Variants in ATL1 observed in about 807,000 individuals in gnomAD.
The protein encoded by ATL1 is atlastin-1.
Under a neutral mutation model 75.5 loss-of-function variants are expected in ATL1, and 31 were observed. The ratio of observed to expected loss-of-function variants is 0.41; its 90% CI spans 0.31 to 0.55. The LOEUF (loss-of-function observed/expected upper bound fraction) is 0.55. ATL1 is among the 20% of genes least tolerant of loss of function. The probability of loss-of-function intolerance (pLI) is 0.27; values close to 1 mark genes in which losing one functional copy is unlikely to be tolerated. For synonymous variants in ATL1, 226 were observed against 233.3 expected (o/e 0.97, Z 0.28); for missense variants, 405 against 662.6 (o/e 0.61, Z 4.27).
At chr14:50,626,457 G>C (rs1207427995) in intron 11 of ATL1, among the ~76,000 whole-genome samples, 1 of 152,190 alleles carries the variant, frequency 6.6e-6, no homozygotes, top group African/African-American at 2.4e-5. Flanking sequence ...AACAGCAAGA[G>C]AACTTAAAAG....
intron 4 of ATL1, among the ~76,000 whole-genome samples, chr14:50,592,029 A>T (rs1314396644): frequency 6.6e-6 from 1 of 152,240 alleles, no homozygotes; most frequent in Admixed American, 6.5e-5. Context: ...GCCAGTAGAA[A>T]CATTTCTAAA....
chr14:50,579,916 A>G (rs979358606), intron 1 of ATL1, among the ~76,000 whole-genome samples: 4 of 152,220 alleles, frequency 2.6e-5, no homozygotes, highest in African/African-American at 9.6e-5. Flanking sequence ...ATTTGCCAAC[A>G]CATCACTTAG....
chr14:50,567,222 T>A (rs2038912552), intron 1 of ATL1, among the ~76,000 whole-genome samples: 2 of 146,682 alleles, frequency 1.4e-5, no homozygotes, highest in South Asian at 2.1e-4. Flanking sequence ...GAATGATACA[T>A]TTTTTTTTTT....
intron 1 of ATL1, among the ~76,000 whole-genome samples, chr14:50,582,784 TAAGAA>T (rs1268378694): frequency 6.6e-6 from 1 of 151,886 alleles, no homozygotes; most frequent in African/African-American, 2.4e-5. Context: ...AAGGACAAAA[TAAGAA>T]AGGAAAGTCA....
intron 1 of ATL1, among the ~76,000 whole-genome samples, chr14:50,583,703 A>G (rs542841796): frequency 6.6e-6 from 1 of 152,362 alleles, no homozygotes; most frequent in African/African-American, 2.4e-5. Flanking sequence ...TTTAATATTT[A>G]TATGGAAAGG....
chr14:50,540,439 G>T (rs541592177), intron 1 of ATL1, among the ~76,000 whole-genome samples: 6 of 152,204 alleles, frequency 3.9e-5, no homozygotes, highest in African/African-American at 1.2e-4. Flanking sequence ...TAAGGGTGAG[G>T]GCGGATGTCT....
intron 1 of ATL1, among the ~76,000 whole-genome samples, chr14:50,536,011 A>T (rs1409911526): frequency 3.3e-5 from 5 of 152,256 alleles, no homozygotes; most frequent in Admixed American, 3.3e-4. Context: ...CGTGTGAGAC[A>T]TGACTTGCTC....
chr14:50,632,340 T>C lies in ATL1; in HGVS notation c.*1T>C. Reference sequence around the variant, plus strand: ...ACAATCAGAAAAGAAAAAAATGTAATGCAAATTTTAAGAAATACAGGTGCA... The same window carrying C: ...ACAATCAGAAAAGAAAAAAATGTAACGCAAATTTTAAGAAATACAGGTGCA... On this transcript the variant is annotated 3_prime_UTR_variant, in exon 14 of 14. Transcript: ENST00000358385. 3 of 1,594,414 alleles carry C rather than the reference T, an allele frequency of 1.9e-6. No homozygotes were observed. The highest frequency in any genetic ancestry group is 2.2e-5 in the East Asian group (1 of 44,652).
rs2038655429 is a variant in ATL1, at chr14:50,548,013, C to T, written c.-139-12114C>T. Among the ~76,000 whole-genome samples, 5 of 152,142 alleles carry T rather than the reference C, an allele frequency of 3.3e-5. No homozygotes were observed. In the South Asian group the frequency reaches 1.0e-3, roughly 32 times the overall value. Reference sequence around the variant, plus strand: ...AATGATATCATGCTAACCTCAGAGTCTCTTGCAGATGTGGAGACTACCCTA... The same window carrying T: ...AATGATATCATGCTAACCTCAGAGTTTCTTGCAGATGTGGAGACTACCCTA... On this transcript the variant is annotated intron_variant, in intron 1 of 13. Transcript: ENST00000441560.
At chr14:50,537,267 G>A (rs115559875) in intron 1 of ATL1, among the ~76,000 whole-genome samples, 2,463 of 152,298 alleles carry the variant, frequency 0.016, 37 homozygotes, top group East Asian at 0.064. Flanking sequence ...GCTTCCACGT[G>A]GTGTTGAGCC....
At chr14:50,548,389 T>C (rs2038661033) in intron 1 of ATL1, among the ~76,000 whole-genome samples, 1 of 152,146 alleles carries the variant, frequency 6.6e-6, no homozygotes, top group African/African-American at 2.4e-5. Context: ...GCCCAAGCAC[T>C]AGAGGTCCCA....
upstream of ATL1, among the ~76,000 whole-genome samples, chr14:50,555,562 G>T (rs1029546477): frequency 2.0e-5 from 3 of 152,200 alleles, no homozygotes; most frequent in African/African-American, 7.2e-5. Flanking sequence ...GGGATTACAG[G>T]CATGAGCCAC....
intron 6 of ATL1, among the ~76,000 whole-genome samples, chr14:50,612,210 C>G (rs965389367): frequency 1.3e-5 from 2 of 152,048 alleles, no homozygotes; most frequent in African/African-American, 2.4e-5. Flanking sequence ...GCAAAACGAA[C>G]TGATGCTGTT....
intron 6 of ATL1, 126 bp from the exon 7 acceptor site, chr14:50,613,132 GA>G: frequency 1.3e-6 from 1 of 760,374 alleles, no homozygotes; most frequent in Non-Finnish European, 2.3e-6. Context: ...TTTTATGTTT[GA>G]TTTTTAATTC....
At position 50,632,516 on chromosome 14, in the gene ATL1, T is replaced by C. The variant is rs2039592740; in HGVS notation, c.*177T>C. 1 of 521,404 alleles carries C rather than the reference T, an allele frequency of 1.9e-6. No individual in the cohort carries two copies. The highest frequency in any genetic ancestry group is 1.9e-5 in the African/African-American group (1 of 51,876). The allele number at this position is 521,404 out of a possible 1,614,324, so 32.3% of individuals were successfully genotyped here. On this transcript the variant is annotated 3_prime_UTR_variant, in exon 14 of 14. Transcript: ENST00000358385. ...AGTGTTTAATAAGCAGATGTATGTA[T>C]GCATGGTTATACTATTTTGTTAACA...
chr14:50,599,072 A>G (rs2039247713), intron 6 of ATL1, among the ~76,000 whole-genome samples: 2 of 152,054 alleles, frequency 1.3e-5, no homozygotes, highest in Admixed American at 1.3e-4. Context: ...ACCATGTAGT[A>G]AAAAATTGAT....
intron 1 of ATL1, chr14:50,533,509 G>A (rs2038450030): frequency 6.6e-6 from 1 of 152,106 alleles, no homozygotes; most frequent in African/African-American, 2.4e-5. Context: ...AAGTAATTTG[G>A]CTGATATTTC....
intron 6 of ATL1, 150 bp downstream of exon 6, chr14:50,595,782 T>A (rs1245554367): frequency 9.1e-6 from 6 of 660,490 alleles, no homozygotes; most frequent in Non-Finnish European, 1.5e-5. Context: ...CAATATAGAA[T>A]GAGATGGAAA....
upstream of ATL1, among the ~76,000 whole-genome samples, chr14:50,558,412 T>C (rs2038791535): frequency 6.6e-6 from 1 of 152,180 alleles, no homozygotes; most frequent in Non-Finnish European, 1.5e-5. Flanking sequence ...AAAAAATCAC[T>C]AATATGAAAT....
Sources: allele counts gnomAD v4.1 joint callset (sites outside exome capture counted in the v4.1 genomes callset), GRCh38; gene constraint gnomAD v4.1.1; transcripts MANE v1.5; gene names NCBI Gene and HGNC (gene_info 2026-07-23, HGNC 2026-07-21).